PMFBP1: variants seen among roughly 807,000 people sequenced by gnomAD.
PMFBP1 encodes polyamine modulated factor 1 binding protein 1, also known as polyamine-modulated factor 1-binding protein 1.
In PMFBP1, 131 loss-of-function variants were observed where a neutral mutation model predicts 137.8. The observed-to-expected ratio is 0.95, with a 90% CI of 0.82 to 1.10. PMFBP1 has a LOEUF of 1.10. PMFBP1 is among the 50% of genes least tolerant of loss of function. The pLI is 0.00. For missense variants in PMFBP1, 1,199 were observed against 1,175.4 expected (o/e 1.02, Z -0.29); for synonymous variants, 490 against 450.4 (o/e 1.09, Z -1.11).
chr16:72,166,659 C>A (rs1198339600), intron 2 of PMFBP1, among the ~76,000 whole-genome samples: 1 of 152,132 alleles, frequency 6.6e-6, no homozygotes, highest in Non-Finnish European at 1.5e-5. Context: ...GTCCTGTGGT[C>A]AGTAATTTTA....
chr16:72,249,706 G>C, the PMFBP1 span, among the ~76,000 whole-genome samples: 43 of 151,464 alleles, frequency 2.8e-4, no homozygotes, highest in African/African-American at 9.7e-4. Flanking sequence ...TACGAGGTCA[G>C]GAGATTGAGA....
At chr16:72,194,685 G>A in the PMFBP1 span, among the ~76,000 whole-genome samples, 1 of 152,162 alleles carries the variant, frequency 6.6e-6, no homozygotes, top group Non-Finnish European at 1.5e-5. Flanking sequence ...GTAGAGATGT[G>A]AGGTCACTGT....
At chr16:72,218,018 G>A in the PMFBP1 span, among the ~76,000 whole-genome samples, 62 of 152,254 alleles carry the variant, frequency 4.1e-4, no homozygotes, top group Non-Finnish European at 3.8e-4. Flanking sequence ...CTGCTATACA[G>A]TATTTCCTGC....
the PMFBP1 span, among the ~76,000 whole-genome samples, chr16:72,244,866 A>T: frequency 4.0e-4 from 61 of 152,308 alleles, no homozygotes; most frequent in African/African-American, 1.4e-3. Context: ...AAAAAACAAA[A>T]CAAAAACCAG....
the PMFBP1 span, among the ~76,000 whole-genome samples, chr16:72,223,489 T>C: frequency 6.6e-6 from 1 of 152,262 alleles, no homozygotes; most frequent in African/African-American, 2.4e-5. Flanking sequence ...AACAGTTGTT[T>C]ACAGTTGGTG....
At chr16:72,228,647 T>G in the PMFBP1 span, among the ~76,000 whole-genome samples, 15 of 152,162 alleles carry the variant, frequency 9.9e-5, no homozygotes, top group South Asian at 4.1e-4. Context: ...TCACCAAAAC[T>G]ATTTGTTAAA....
chr16:72,159,448 A>C (rs1182682646), intron 3 of PMFBP1, among the ~76,000 whole-genome samples: 2 of 152,214 alleles, frequency 1.3e-5, no homozygotes, highest in Non-Finnish European at 2.9e-5. Context: ...CCAGATGATG[A>C]GATTTTATGC....
At chr16:72,236,986 T>C in the PMFBP1 span, among the ~76,000 whole-genome samples, 2 of 152,278 alleles carry the variant, frequency 1.3e-5, no homozygotes, top group South Asian at 4.2e-4. Flanking sequence ...CCCAAAGTCT[T>C]ATTCAATCAC....
In PMFBP1 at chr16:72,151,620, G is replaced by A. The variant is rs371702384; in HGVS notation, c.415-791C>T. Among the ~76,000 whole-genome samples the A allele has an allele frequency of 3.3e-5, 5 of 152,306 alleles. No individual in the cohort carries two copies. In the South Asian group the frequency reaches 6.2e-4, roughly 19 times the overall value. ...AATAATCCAATGTAGAATGCTGATA[G>A]AACATGTTCCATTAGTTTAAGCTCA... is the stretch of plus-strand genomic sequence containing the variant. On this transcript the variant is annotated intron_variant, in intron 4 of 20. Transcript: ENST00000237353.
chr16:72,248,390 T>A, the PMFBP1 span, among the ~76,000 whole-genome samples: 1 of 152,200 alleles, frequency 6.6e-6, no homozygotes, highest in Non-Finnish European at 1.5e-5. Context: ...TAAAACACTT[T>A]ATATCATTGG....
rs777010470 is a variant in PMFBP1, at chr16:72,171,241, T to A, written c.-33A>T. ...GCAGCTCTCAATTCTCCTTTAACCT[T>A]TAGTATTTTCTGAGCTTTGTTATAA... On this transcript the variant is annotated 5_prime_UTR_variant, in exon 2 of 21. An upstream open reading frame in the 5' UTR loses its in-frame stop. Coordinates refer to ENST00000237353, the MANE Select transcript of PMFBP1 (RefSeq NM_031293.3). 6.2e-7 allele frequency: 1 copy of A among 1,612,882 alleles called. No homozygotes were observed.
chr16:72,122,297 A>G (rs990866304), intron 19 of PMFBP1, among the ~76,000 whole-genome samples: 7 of 152,176 alleles, frequency 4.6e-5, no homozygotes, highest in African/African-American at 1.7e-4. Flanking sequence ...AGTGTTCCCT[A>G]AGAAAAGGTT....
At chr16:72,180,493 C>G (rs1355946130), upstream of PMFBP1, among the ~76,000 whole-genome samples, 1 of 152,164 alleles carries the variant, frequency 6.6e-6, no homozygotes, top group Non-Finnish European at 1.5e-5. Context: ...ACTGAAGCCG[C>G]AGCAATGTGT....
At chr16:72,226,543 C>T in the PMFBP1 span, among the ~76,000 whole-genome samples, 1 of 152,140 alleles carries the variant, frequency 6.6e-6, no homozygotes, top group Non-Finnish European at 1.5e-5. Flanking sequence ...AGGATACAGA[C>T]ACATTGCCAA....
intron 19 of PMFBP1, 27 bp downstream of exon 19, chr16:72,122,887 C>A: frequency 6.2e-7 from 1 of 1,601,326 alleles, no homozygotes; most frequent in Middle Eastern, 1.7e-4. Context: ...TCCCAGGAAG[C>A]AGCCAGGGTG....
chr16:72,248,069 A>C, the PMFBP1 span, among the ~76,000 whole-genome samples: 1 of 152,238 alleles, frequency 6.6e-6, no homozygotes. Context: ...TAAATGAGTC[A>C]GAACTTCAAG....
In PMFBP1 at chr16:72,125,402, T is replaced by C. The variant is rs1555542327; in HGVS notation, c.2257A>G (p.Asn753Asp). 1.9e-6 allele frequency: 3 copies of C among 1,608,816 alleles called. No individual in the cohort carries two copies. Among genetic ancestry groups the C allele is most frequent in the Non-Finnish European group, 2.5e-6 (3 of 1,178,634 alleles). ...DDLTQALEKLNHVTSETKSLQ... is the reference protein window; with the variant it reads ...DDLTQALEKLDHVTSETKSLQ... ...CTCTTTGTCTCTGAGGTCACGTGAT[T>C]GAGCTTCCGGAAAAGACAAAGAGGA... Residue 753 changes from asparagine (N) to aspartate (D), a missense_variant, in exon 16 of 21, where the codon AAT becomes GAT. By Grantham distance (23) the Asn-to-Asp change is conservative. Transcript: ENST00000237353.
intron 2 of PMFBP1, among the ~76,000 whole-genome samples, chr16:72,166,187 C>T (rs1040833114): frequency 6.6e-6 from 1 of 152,028 alleles, no homozygotes; most frequent in South Asian, 2.1e-4. Flanking sequence ...AATTGTAATC[C>T]CCATGTGTTG....
chr16:72,180,178 C>A (rs2043271320), upstream of PMFBP1, among the ~76,000 whole-genome samples: 2 of 152,120 alleles, frequency 1.3e-5, no homozygotes, highest in African/African-American at 4.8e-5. Flanking sequence ...ATGGTTGCTG[C>A]AGAAAGCCAG....
Sources: allele counts gnomAD v4.1 joint callset (sites outside exome capture counted in the v4.1 genomes callset), GRCh38; gene constraint gnomAD v4.1.1; transcripts MANE v1.5; gene names NCBI Gene and HGNC (gene_info 2026-07-23, HGNC 2026-07-21).